The following PRR16 variants were observed in gnomAD, a reference collection of about 807,000 sequenced individuals.
PRR16 encodes the protein protein Largen.
In PRR16, 6 loss-of-function variants were observed where a neutral mutation model predicts 18.2. The ratio of observed to expected loss-of-function variants is 0.33; its 90% CI spans 0.18 to 0.65. The LOEUF is 0.65. PRR16 is among the 30% of genes least tolerant of loss of function. The probability of loss-of-function intolerance (pLI) is 0.74; values close to 1 mark genes in which losing one functional copy is unlikely to be tolerated. For synonymous variants in PRR16, 151 were observed against 147.8 expected, an observed-to-expected ratio of 1.02 and a Z score of -0.16; for missense variants, 412 against 376.6, an observed-to-expected ratio of 1.09 and a Z score of -0.78.
intron 1 of PRR16, among the ~76,000 whole-genome samples, chr5:120,530,740 G>C (rs994118060): frequency 6.6e-6 from 1 of 151,992 alleles, no homozygotes; most frequent in African/African-American, 2.4e-5. Context: ...GGGATGGTAG[G>C]GTGAAATTAG....
the PRR16 span, among the ~76,000 whole-genome samples, chr5:120,739,620 G>A: frequency 6.6e-6 from 1 of 152,082 alleles, no homozygotes; most frequent in African/African-American, 2.4e-5. Context: ...TTGTACATAG[G>A]ACGTCAACAA....
At chr5:120,633,883 C>T (rs1755142167) in intron 1 of PRR16, among the ~76,000 whole-genome samples, 1 of 152,016 alleles carries the variant, frequency 6.6e-6, no homozygotes, top group African/African-American at 2.4e-5. Context: ...CTAGATAGGT[C>T]ATCAAGACAG....
At chr5:120,750,537 C>T in the PRR16 span, among the ~76,000 whole-genome samples, 1 of 151,808 alleles carries the variant, frequency 6.6e-6, no homozygotes, top group African/African-American at 2.4e-5. Context: ...TGTGGTGGCG[C>T]ATACCTGTAA....
chr5:120,754,586 T>TAG, the PRR16 span, among the ~76,000 whole-genome samples: 54 of 114,256 alleles, frequency 4.7e-4, no homozygotes, highest in African/African-American at 1.7e-3. Flanking sequence ...ATTTTATATA[T>TAG]TATATATAAT....
At chr5:120,466,926 T>G (rs1360446423) in intron 1 of PRR16, among the ~76,000 whole-genome samples, 2 of 152,174 alleles carry the variant, frequency 1.3e-5, no homozygotes, top group African/African-American at 4.8e-5. Context: ...CATCCTAGAT[T>G]TGCACAAGAA....
the PRR16 span, among the ~76,000 whole-genome samples, chr5:120,750,373 T>G: frequency 6.6e-6 from 1 of 152,068 alleles, no homozygotes; most frequent in Non-Finnish European, 1.5e-5. Flanking sequence ...AAAAAGTTTT[T>G]CAGAGTCAGG....
rs191161154 is a variant in PRR16 at position 120,625,183 on chromosome 5, G to A, written c.160-60771G>A. Among the ~76,000 whole-genome samples, 9 of 152,266 alleles carry A rather than the reference G, an allele frequency of 5.9e-5. No homozygotes were observed. In the East Asian group the frequency reaches 1.7e-3, roughly 29 times the overall value. ...CATATTCACAAGGAGGTGACAGGAA[G>A]AAGAATGAGTGTTCACTGGTAGAAA... On this transcript the variant is annotated intron_variant, in intron 1 of 1. Transcript: ENST00000407149.
At position 120,655,270 on chromosome 5, in the gene PRR16, A is replaced by G. The variant is rs926985532; in HGVS notation, c.160-30684A>G. ...TTGGTGATTGTGTATATTAGCTGATAGACATTAAGTCTATAAAATTTACCT... is the reference window on the plus strand; with the variant it reads ...TTGGTGATTGTGTATATTAGCTGATGGACATTAAGTCTATAAAATTTACCT... On this transcript the variant is annotated intron_variant, in intron 1 of 1. Coordinates refer to ENST00000407149, the MANE Select transcript of PRR16 (RefSeq NM_001300783.2). 2.0e-5 allele frequency among the ~76,000 whole-genome samples: 3 copies of G among 151,784 alleles called. No individual in the cohort carries two copies. The East Asian group carries it at 5.8e-4, about 29-fold the overall frequency.
At chr5:120,580,707 A>C (rs1019609390) in intron 1 of PRR16, among the ~76,000 whole-genome samples, 1 of 152,042 alleles carries the variant, frequency 6.6e-6, no homozygotes, top group Non-Finnish European at 1.5e-5. Flanking sequence ...TGCCCACCTC[A>C]GCCTCCTAAA....
intron 1 of PRR16, among the ~76,000 whole-genome samples, chr5:120,544,706 G>T (rs1752021719): frequency 2.0e-5 from 3 of 151,766 alleles, no homozygotes; most frequent in Non-Finnish European, 4.4e-5. Context: ...TTTACCAATG[G>T]GTTGACTTAT....
the PRR16 span, among the ~76,000 whole-genome samples, chr5:120,765,481 T>C: frequency 6.6e-6 from 1 of 152,058 alleles, no homozygotes; most frequent in East Asian, 1.9e-4. Flanking sequence ...TTTTTAGAGT[T>C]TTCAAAGTTC....
chr5:120,690,472 T>C (rs1305391359), downstream of PRR16, among the ~76,000 whole-genome samples: 1 of 152,180 alleles, frequency 6.6e-6, no homozygotes, highest in East Asian at 1.9e-4. Flanking sequence ...TTCCAAGTTG[T>C]AGCAAAAGTT....
intron 1 of PRR16, among the ~76,000 whole-genome samples, chr5:120,647,704 A>C (rs1290867790): frequency 6.6e-6 from 1 of 152,076 alleles, no homozygotes; most frequent in Non-Finnish European, 1.5e-5. Context: ...CCCTGCTTAA[A>C]AGTTTATGAT....
At chr5:120,646,348 C>T (rs776220713) in intron 1 of PRR16, among the ~76,000 whole-genome samples, 2 of 151,766 alleles carry the variant, frequency 1.3e-5, no homozygotes, top group Admixed American at 1.3e-4. Context: ...CATCAATATG[C>T]CCCTCTTTGT....
intron 1 of PRR16, among the ~76,000 whole-genome samples, chr5:120,487,851 G>C (rs1749869679): frequency 6.6e-6 from 1 of 152,132 alleles, no homozygotes; most frequent in African/African-American, 2.4e-5. Context: ...AGAGTTGTTA[G>C]CATGAAGCGT....
chr5:120,771,868 T>G, the PRR16 span, among the ~76,000 whole-genome samples: 2 of 151,888 alleles, frequency 1.3e-5, no homozygotes, highest in African/African-American at 4.8e-5. Context: ...TATGTAGCCA[T>G]TAAATAATTA....
chr5:120,761,166 T>A, the PRR16 span, among the ~76,000 whole-genome samples: 3 of 152,228 alleles, frequency 2.0e-5, no homozygotes, highest in Non-Finnish European at 4.4e-5. Context: ...TTGCTTCATA[T>A]GTATTTTAAG....
intron 1 of PRR16, among the ~76,000 whole-genome samples, chr5:120,535,536 A>C (rs959138304): frequency 6.6e-6 from 1 of 152,180 alleles, no homozygotes; most frequent in Non-Finnish European, 1.5e-5. Flanking sequence ...GCAGTGGTTT[A>C]TGCCTGCAAT....
chr5:120,600,741 A>G (rs991450983), intron 1 of PRR16, among the ~76,000 whole-genome samples: 26 of 151,820 alleles, frequency 1.7e-4, no homozygotes, highest in African/African-American at 6.0e-4. Context: ...TCTCTTTGCA[A>G]GTAGTCTCAG....
Sources: gnomAD v4.1 joint callset for allele counts (sites outside exome capture counted in the v4.1 genomes callset) on GRCh38, gnomAD v4.1.1 for gene constraint, MANE v1.5 for transcripts, NCBI Gene and HGNC (gene_info 2026-07-23, HGNC 2026-07-21) for gene names.